The following UTP20 variants were observed in gnomAD, a reference collection of about 807,000 sequenced individuals.
The protein encoded by UTP20 is UTP20 small subunit processome component.
UTP20 carries 164 observed loss-of-function variants against 329.5 expected under a neutral mutation model. The ratio of observed to expected loss-of-function variants is 0.50; its 90% confidence interval spans 0.44 to 0.57. The LOEUF is 0.57. Ranked by LOEUF, UTP20 falls within the 20% of genes least tolerant of loss-of-function variation. The probability of loss-of-function intolerance (pLI) is 0.00; values close to 1 mark genes in which losing one functional copy is unlikely to be tolerated. For missense variants in UTP20, 3,055 were observed against 3,284.2 expected, an observed-to-expected ratio of 0.93 and a Z score of 1.71; for synonymous variants, 1,151 against 1,159.3, an observed-to-expected ratio of 0.99 and a Z score of 0.14.
chr12:101,301,143 C>T (rs1295702591), intron 14 of UTP20, among the ~76,000 whole-genome samples: 3 of 152,182 alleles, frequency 2.0e-5, no homozygotes, highest in Non-Finnish European at 2.9e-5. Flanking sequence ...ATCTGACTTG[C>T]AGACCATATA....
Position 101,292,050 on chromosome 12 carries a change from C to T in UTP20, c.1119C>T (p.Ile373=). 1 of 1,614,074 alleles carries T rather than the reference C, an allele frequency of 6.2e-7. No individual in the cohort carries two copies. Among genetic ancestry groups the T allele is most frequent in the Non-Finnish European group, 8.5e-7 (1 of 1,179,992 alleles). The change falls in exon 10 of 62, where the codon ATC becomes ATT. Residue 373 remains isoleucine (I), a synonymous_variant. Transcript: ENST00000261637. The part of the protein sequence containing the change: ...ETLLDVISAL[I]LGENVSLPET... ...TCTTGGATGTAATTTCTGCTTTGAT[C>T]CTGGGTGAAAATGTTTCCTTGCCGG... is the stretch of plus-strand genomic sequence containing the variant.
At position 101,299,264 on chromosome 12, in the gene UTP20, G is replaced by C. The variant is rs142181818; in HGVS notation, c.1431-418G>C. On this transcript the variant is annotated intron_variant, in intron 12 of 61. Coordinates refer to ENST00000261637, the MANE Select transcript of UTP20 (RefSeq NM_014503.3). ...ACTTATATGTCATAATCATTTTAGTGGTATTCGTCAACTTCATCACAGTAA... is the reference window on the plus strand; with the variant it reads ...ACTTATATGTCATAATCATTTTAGTCGTATTCGTCAACTTCATCACAGTAA... Among the ~76,000 whole-genome samples, 25 of 152,234 alleles carry C rather than the reference G, an allele frequency of 1.6e-4. No homozygotes were observed. The East Asian group carries it at 4.6e-3, about 28-fold the overall frequency.
chr12:101,361,471 A>C (rs1869914713), intron 43 of UTP20, among the ~76,000 whole-genome samples: 1 of 151,814 alleles, frequency 6.6e-6, no homozygotes, highest in Non-Finnish European at 1.5e-5. Flanking sequence ...AAAAAGTACA[A>C]AAAAATTAGC....
chr12:101,385,079 C>G (rs1870780114), intron 60 of UTP20, among the ~76,000 whole-genome samples: 1 of 135,760 alleles, frequency 7.4e-6, no homozygotes, highest in Non-Finnish European at 1.6e-5. Flanking sequence ...ACAAAGGAGG[C>G]TTTTGACACT....
At chr12:101,304,804 C>T (rs1872609962) in intron 15 of UTP20, among the ~76,000 whole-genome samples, 2 of 152,202 alleles carry the variant, frequency 1.3e-5, no homozygotes, top group Admixed American at 1.3e-4. Flanking sequence ...CCATCTCACT[C>T]TATAAAATCC....
intron 2 of UTP20, among the ~76,000 whole-genome samples, chr12:101,285,203 T>C (rs1441933956): frequency 6.6e-6 from 1 of 152,214 alleles, no homozygotes; most frequent in African/African-American, 2.4e-5. Flanking sequence ...ATTACTTCTT[T>C]ATAAGGTTGT....
At chr12:101,309,042 A>G (rs950683585) in intron 18 of UTP20, among the ~76,000 whole-genome samples, 5 of 152,086 alleles carry the variant, frequency 3.3e-5, no homozygotes, top group African/African-American at 4.8e-5. Flanking sequence ...CCAGCCCTCT[A>G]TGTTTTATAT....
intron 6 of UTP20, 57 bp downstream of exon 6, chr12:101,289,098 C>T (rs992417944): frequency 2.0e-6 from 3 of 1,479,098 alleles, no homozygotes; most frequent in Non-Finnish European, 2.8e-6. Context: ...ATGAATAGGC[C>T]AGGCGTGGTG....
At chr12:101,291,005 C>G in intron 8 of UTP20, 117 bp downstream of exon 8, 1 of 1,067,544 alleles carries the variant, frequency 9.4e-7, no homozygotes. Context: ...TTTATTTATA[C>G]TTCTGTACAC....
intron 18 of UTP20, among the ~76,000 whole-genome samples, chr12:101,308,793 C>T (rs1329776924): frequency 1.3e-5 from 2 of 150,122 alleles, no homozygotes; most frequent in Admixed American, 6.7e-5. Context: ...AGTGCAGTGG[C>T]GCAATCTCTG....
intron 51 of UTP20, 34 bp downstream of exon 51, chr12:101,371,202 C>A: frequency 6.7e-7 from 1 of 1,486,798 alleles, no homozygotes; most frequent in Non-Finnish European, 9.2e-7. Context: ...ATAGCAAGGG[C>A]TGGGCCCTGC....
intron 61 of UTP20, 87 bp downstream of exon 61, chr12:101,385,815 A>C (rs904841515): frequency 1.3e-6 from 2 of 1,530,520 alleles, no homozygotes; most frequent in African/African-American, 1.4e-5. Context: ...ACACTTAGGG[A>C]GGATCAAGGG....
At chr12:101,305,627 A>ATG (rs1872626578) in intron 15 of UTP20, among the ~76,000 whole-genome samples, 2 of 148,082 alleles carry the variant, frequency 1.4e-5, no homozygotes, top group African/African-American at 5.0e-5. Flanking sequence ...ATATATATAT[A>ATG]TAAGTGGCTG....
chr12:101,311,149 T>A (rs1465591246), intron 19 of UTP20, among the ~76,000 whole-genome samples: 1 of 152,204 alleles, frequency 6.6e-6, no homozygotes, highest in Non-Finnish European at 1.5e-5. Context: ...ATACATGTCA[T>A]GTGTAAAGTT....
intron 45 of UTP20, among the ~76,000 whole-genome samples, chr12:101,364,055 G>A (rs1870017288): frequency 6.6e-6 from 1 of 152,182 alleles, no homozygotes; most frequent in Non-Finnish European, 1.5e-5. Context: ...TATCTTTGAG[G>A]TTGAGGTTGT....
chr12:101,292,875 T>G (rs1023038510), intron 10 of UTP20, among the ~76,000 whole-genome samples: 6 of 152,204 alleles, frequency 3.9e-5, no homozygotes, highest in Non-Finnish European at 7.3e-5. Context: ...TTGGTTAAGT[T>G]CTTTCTAGCT....
Position 101,341,273 on chromosome 12 carries a change from C to T in UTP20, c.4101+663C>T, listed in dbSNP as rs543842153. On this transcript the variant is annotated intron_variant, in intron 32 of 61. Transcript: ENST00000261637. ...GATTACAGGCATGAGCCACCGCGCC[C>T]GGCCTCATTATATAATCTTAATTGT... Among the ~76,000 whole-genome samples the T allele has an allele frequency of 3.3e-5, 5 of 151,960 alleles. No individual in the cohort carries two copies. In the South Asian group the frequency reaches 6.2e-4, roughly 19 times the overall value.
At chr12:101,327,987 G>C (rs977118650) in intron 26 of UTP20, among the ~76,000 whole-genome samples, 5 of 152,180 alleles carry the variant, frequency 3.3e-5, no homozygotes, top group Admixed American at 2.6e-4. Context: ...TTCACCCATC[G>C]TAACTCAGAT....
At chr12:101,313,513 T>C (rs1384748918) in intron 21 of UTP20, among the ~76,000 whole-genome samples, 1 of 152,084 alleles carries the variant, frequency 6.6e-6, no homozygotes, top group African/African-American at 2.4e-5. Flanking sequence ...GAATAGACTG[T>C]AGAATGACAT....
Sources: allele counts gnomAD v4.1 joint callset (sites outside exome capture counted in the v4.1 genomes callset), GRCh38; gene constraint gnomAD v4.1.1; transcripts MANE v1.5; gene names NCBI Gene and HGNC (gene_info 2026-07-23, HGNC 2026-07-21).